WWOX: variants seen among roughly 807,000 people sequenced by gnomAD.
The protein encoded by WWOX is WW domain-containing oxidoreductase.
In WWOX, 69 loss-of-function variants were observed where a neutral mutation model predicts 46.2. The observed-to-expected ratio is 1.49, with a 90% CI of 1.23 to 1.82. WWOX has a LOEUF of 1.82. Ranked by LOEUF, WWOX falls within the 40% of genes most tolerant of loss-of-function variation. The pLI, the probability that WWOX is intolerant of heterozygous loss-of-function variation, is 0.00. For missense variants in WWOX, 919 were observed against 542.6 expected (o/e 1.69, Z -6.89); for synonymous variants, 359 against 202.6 (o/e 1.77, Z -6.56).
At chr16:78,443,502 G>A (rs2083491337) in intron 8 of WWOX, among the ~76,000 whole-genome samples, 1 of 152,030 alleles carries the variant, frequency 6.6e-6, no homozygotes, top group Non-Finnish European at 1.5e-5. Flanking sequence ...ACAAAGAGAG[G>A]GAAACTAGAT....
intron 8 of WWOX, among the ~76,000 whole-genome samples, chr16:78,862,409 A>G (rs2043909924): frequency 2.0e-5 from 3 of 151,612 alleles, no homozygotes. Flanking sequence ...TGTATGTACT[A>G]TACACTGTGT....
chr16:78,719,722 C>T (rs146005452), intron 8 of WWOX, among the ~76,000 whole-genome samples: 2 of 152,056 alleles, frequency 1.3e-5, no homozygotes, highest in African/African-American at 4.8e-5. Context: ...TTGTAATTTA[C>T]CAAATGGAAA....
intron 8 of WWOX, among the ~76,000 whole-genome samples, chr16:78,484,052 C>T (rs961739465): frequency 2.0e-5 from 3 of 152,064 alleles, no homozygotes; most frequent in Non-Finnish European, 4.4e-5. Context: ...TAAGTATGCT[C>T]CCTTGCAATG....
chr16:79,127,208 C>G (rs137856343), intron 8 of WWOX, among the ~76,000 whole-genome samples: 55 of 151,962 alleles, frequency 3.6e-4, no homozygotes, highest in African/African-American at 1.3e-3. Context: ...ACACACACAC[C>G]TATGTTTTTC....
intron 8 of WWOX, among the ~76,000 whole-genome samples, chr16:79,082,528 T>C (rs2048779660): frequency 1.3e-5 from 2 of 152,320 alleles, no homozygotes; most frequent in African/African-American, 4.8e-5. Flanking sequence ...ACTGTGTGCC[T>C]CGCATCTTGG....
intron 8 of WWOX, among the ~76,000 whole-genome samples, chr16:78,946,716 G>C (rs2045955680): frequency 6.6e-6 from 1 of 152,098 alleles, no homozygotes; most frequent in South Asian, 2.1e-4. Context: ...CTGTTTTTCA[G>C]AGCGTTGAGA....
chr16:78,731,750 G>T (rs970753965), intron 8 of WWOX, among the ~76,000 whole-genome samples: 4 of 151,700 alleles, frequency 2.6e-5, no homozygotes, highest in African/African-American at 7.3e-5. Context: ...CTGGGCAGTA[G>T]TTCCCTGTCA....
intron 8 of WWOX, chr16:78,551,642 C>G (rs74029545): frequency 0.079 from 11,873 of 149,486 alleles, 507 homozygotes; most frequent in African/African-American, 0.12. Flanking sequence ...CCTGATGCCA[C>G]TGCCCCCGCC....
chr16:78,697,880 A>G (rs1314852829), intron 8 of WWOX, among the ~76,000 whole-genome samples: 3 of 152,104 alleles, frequency 2.0e-5, no homozygotes, highest in Admixed American at 2.0e-4. Flanking sequence ...CCCCTGGCTT[A>G]GGGTTGAGAA....
At chr16:78,776,940 G>T (rs1193342916) in intron 8 of WWOX, among the ~76,000 whole-genome samples, 1 of 152,142 alleles carries the variant, frequency 6.6e-6, no homozygotes, top group East Asian at 1.9e-4. Context: ...ATTACAGCTT[G>T]TATTACAATT....
At chr16:78,776,282 G>A (rs2050187761) in intron 8 of WWOX, among the ~76,000 whole-genome samples, 1 of 152,050 alleles carries the variant, frequency 6.6e-6, no homozygotes, top group Non-Finnish European at 1.5e-5. Flanking sequence ...TGGTTGGGAT[G>A]GTTTGGCTCT....
rs113180648 is a variant in WWOX at position 78,869,437 on chromosome 16, C to T, written c.1057-342171C>T. Among the ~76,000 whole-genome samples the T allele has an allele frequency of 8.9e-3, 1,357 of 152,236 alleles. 18 individuals are homozygous for T. Among genetic ancestry groups the T allele is most frequent in the African/African-American group, 0.031 (1,274 of 41,544 alleles). ...TGGCAATTGCCTGGACTACAGTCAC[C>T]AACACAAGTTTATACGCAAGAAGTG... On this transcript the variant is annotated intron_variant, in intron 8 of 8. Coordinates refer to ENST00000566780, the MANE Select transcript of WWOX (RefSeq NM_016373.4).
chr16:78,470,016 T>A (rs1272617889), intron 8 of WWOX, among the ~76,000 whole-genome samples: 1 of 152,242 alleles, frequency 6.6e-6, no homozygotes, highest in African/African-American at 2.4e-5. Context: ...GCACAGTTGC[T>A]CAAAGATAGT....
chr16:78,941,618 T>C (rs1324022283), intron 8 of WWOX, among the ~76,000 whole-genome samples: 1 of 152,142 alleles, frequency 6.6e-6, no homozygotes, highest in Non-Finnish European at 1.5e-5. Context: ...TCATAAATCA[T>C]AGGAGAGTGC....
chr16:78,882,607 CCTCCCG>C lies in WWOX; in HGVS notation c.1057-329000_1057-328995del, dbSNP rs1469286746. 1.9e-3 allele frequency among the ~76,000 whole-genome samples: 288 copies of C among 151,408 alleles called. 2 individuals are homozygous for C. The highest frequency in any genetic ancestry group is 5.7e-3 in the African/African-American group (235 of 41,168). ...TCCTCTCTCCTCGCCTCCCGAGTAG[CCTCCCG>C]AGTAGCTGGGATTACAGGTATGTGC... is the stretch of plus-strand genomic sequence containing the variant. On this transcript the variant is annotated intron_variant, in intron 8 of 8. Transcript: ENST00000566780.
At chr16:78,468,185 A>G (rs1256018329) in intron 8 of WWOX, among the ~76,000 whole-genome samples, 1 of 151,180 alleles carries the variant, frequency 6.6e-6, no homozygotes, top group Admixed American at 6.6e-5. Context: ...GTGGCTTTCT[A>G]CCAGTTCTCT....
At chr16:78,780,430 TA>T (rs894279453) in intron 8 of WWOX, 1 of 152,082 alleles carries the variant, frequency 6.6e-6, no homozygotes, top group African/African-American at 2.4e-5. Context: ...AGTGCTGAAA[TA>T]AAATGATAAA....
At chr16:79,101,265 G>GT (rs1597376367) in intron 8 of WWOX, 2 of 152,310 alleles carry the variant, frequency 1.3e-5, no homozygotes, top group East Asian at 3.9e-4. Context: ...ACAGTGGAAT[G>GT]TTTTGAAATG....
intron 8 of WWOX, among the ~76,000 whole-genome samples, chr16:78,855,220 A>G (rs984641638): frequency 6.6e-6 from 1 of 152,166 alleles, no homozygotes; most frequent in Non-Finnish European, 1.5e-5. Context: ...TTGACCTACA[A>G]AGTCTTCACG....
Sources: allele counts gnomAD v4.1 joint callset (sites outside exome capture counted in the v4.1 genomes callset), GRCh38; gene constraint gnomAD v4.1.1; transcripts MANE v1.5; gene names NCBI Gene and HGNC (gene_info 2026-07-23, HGNC 2026-07-21).